Variants in MLIP observed in about 807,000 individuals in gnomAD.
The protein encoded by MLIP is muscular LMNA-interacting protein.
A neutral mutation model predicts 84.8 loss-of-function variants in MLIP; 79 were observed. The observed-to-expected ratio is 0.93, with a 90% confidence interval of 0.78 to 1.12. The LOEUF is 1.12. Ranked by LOEUF, MLIP falls within the 50% of genes most tolerant of loss-of-function variation. The pLI is 0.00. For synonymous variants in MLIP, 504 were observed against 463.0 expected, an observed-to-expected ratio of 1.09 and a Z score of -1.14; for missense variants, 1,257 against 1,160.6, an observed-to-expected ratio of 1.08 and a Z score of -1.21.
intron 11 of MLIP, among the ~76,000 whole-genome samples, chr6:54,222,706 A>C (rs1376364547): frequency 6.6e-6 from 1 of 152,084 alleles, no homozygotes; most frequent in Admixed American, 6.6e-5. Context: ...TCTTCAAGAC[A>C]CTGATTTAAT....
At chr6:54,218,421 G>C (rs1779992724) in intron 11 of MLIP, among the ~76,000 whole-genome samples, 1 of 152,194 alleles carries the variant, frequency 6.6e-6, no homozygotes, top group Non-Finnish European at 1.5e-5. Flanking sequence ...AATGGAGGTT[G>C]CTCTGGGTGA....
intron 12 of MLIP, among the ~76,000 whole-genome samples, chr6:54,249,734 C>CACACACACACAT (rs145607176): frequency 5.1e-4 from 65 of 127,706 alleles, no homozygotes; most frequent in African/African-American, 1.8e-3. Flanking sequence ...CACACACACA[C>CACACACACACAT]ATATATATAT....
At chr6:54,248,583 C>A (rs1157813782) in intron 12 of MLIP, among the ~76,000 whole-genome samples, 1 of 151,970 alleles carries the variant, frequency 6.6e-6, no homozygotes. Context: ...GCTGGACATA[C>A]AATAATGAGC....
chr6:54,113,083 A>G (rs1223677519), intron 1 of MLIP, among the ~76,000 whole-genome samples: 1 of 152,178 alleles, frequency 6.6e-6, no homozygotes, highest in African/African-American at 2.4e-5. Context: ...TATAATGGTT[A>G]TATGTATTTT....
At chr6:54,245,462 G>T (rs747252116) in intron 12 of MLIP, among the ~76,000 whole-genome samples, 14 of 152,186 alleles carry the variant, frequency 9.2e-5, no homozygotes, top group Non-Finnish European at 1.6e-4. Flanking sequence ...GGATGAGAGA[G>T]AGTCGAGTAA....
chr6:54,179,954 G>A (rs991278076), intron 9 of MLIP, among the ~76,000 whole-genome samples: 1 of 152,092 alleles, frequency 6.6e-6, no homozygotes, highest in African/African-American at 2.4e-5. Flanking sequence ...AAATTGAAGA[G>A]CCCTCTTTAG....
At chr6:54,104,423 T>C (rs994501214) in intron 1 of MLIP, among the ~76,000 whole-genome samples, 1 of 152,168 alleles carries the variant, frequency 6.6e-6, no homozygotes, top group Non-Finnish European at 1.5e-5. Flanking sequence ...TAAATAGTAT[T>C]CCCAACTGTT....
chr6:54,221,581 A>G (rs1200169797), intron 11 of MLIP, among the ~76,000 whole-genome samples: 37 of 152,110 alleles, frequency 2.4e-4, no homozygotes, highest in Admixed American at 2.4e-3. Context: ...CAAGGAAAAT[A>G]CAGTCATTAG....
At chr6:54,078,691 C>CTTTT (rs70980890) in intron 1 of MLIP, among the ~76,000 whole-genome samples, 5 of 133,358 alleles carry the variant, frequency 3.7e-5, no homozygotes, top group South Asian at 2.3e-4. Context: ...TTCTTTCTTT[C>CTTTT]TTTTTTTTTT....
At chr6:54,216,362 A>G (rs1779853232) in intron 11 of MLIP, 1 of 985,288 alleles carries the variant, frequency 1.0e-6, no homozygotes, top group Non-Finnish European at 1.2e-6. Context: ...CACATGGGAA[A>G]TAAAAGACCA....
chr6:54,209,890 C>T (rs1380531047), intron 11 of MLIP, among the ~76,000 whole-genome samples: 10 of 151,452 alleles, frequency 6.6e-5, no homozygotes, highest in African/African-American at 2.4e-4. Context: ...AATAATTGTC[C>T]TTTTTTCTTT....
At chr6:54,151,837 T>C (rs1773477178) in intron 5 of MLIP, among the ~76,000 whole-genome samples, 1 of 152,180 alleles carries the variant, frequency 6.6e-6, no homozygotes, top group African/African-American at 2.4e-5. Flanking sequence ...TTTTTCCTAA[T>C]TGAAATACCG....
intron 1 of MLIP, among the ~76,000 whole-genome samples, chr6:54,116,401 A>G (rs1368696006): frequency 3.3e-5 from 5 of 152,250 alleles, no homozygotes; most frequent in Non-Finnish European, 2.9e-5. Context: ...GAATCAGAGA[A>G]TAAAACGGAG....
intron 1 of MLIP, among the ~76,000 whole-genome samples, chr6:54,058,627 C>T (rs999965304): frequency 6.6e-6 from 1 of 152,152 alleles, no homozygotes; most frequent in Non-Finnish European, 1.5e-5. Context: ...AGTCAAAAGG[C>T]TAATAAAATC....
At chr6:54,216,421 T>C (rs1779858219) in intron 11 of MLIP, 2 of 985,242 alleles carry the variant, frequency 2.0e-6, no homozygotes, top group African/African-American at 1.7e-5. Flanking sequence ...ATTGTAGTCC[T>C]CTGCTGCTCA....
rs1770554904 is a variant in MLIP, at chr6:54,122,648, A to G, written c.252+1046A>G. Among the ~76,000 whole-genome samples the G allele has an allele frequency of 3.9e-5, 6 of 152,116 alleles. No homozygotes were observed. The South Asian group carries it at 1.2e-3, about 32-fold the overall frequency. On this transcript the variant is annotated intron_variant, in intron 2 of 13. Coordinates refer to ENST00000502396, the MANE Select transcript of MLIP (RefSeq NM_001281747.2). The stretch of plus-strand genomic sequence containing the variant: ...TCAATGCTGCTATCTTCTTTCAAAG[A>G]CTAATGGGGCCATGAATACTATATA...
chr6:54,152,287 A>G (rs930292323), intron 5 of MLIP, among the ~76,000 whole-genome samples: 2 of 152,190 alleles, frequency 1.3e-5, no homozygotes, highest in Non-Finnish European at 2.9e-5. Flanking sequence ...GTTCAACAAT[A>G]TACTAAGGTC....
At chr6:54,080,214 C>T (rs1341740653) in intron 1 of MLIP, among the ~76,000 whole-genome samples, 5 of 152,112 alleles carry the variant, frequency 3.3e-5, no homozygotes, top group East Asian at 3.9e-4. Flanking sequence ...CCTCTGGACT[C>T]GAAACCTGCA....
intron 1 of MLIP, among the ~76,000 whole-genome samples, chr6:54,020,902 G>A (rs558472886): frequency 6.9e-4 from 105 of 152,324 alleles, no homozygotes; most frequent in South Asian, 5.6e-3. Context: ...ACACATGAAA[G>A]CCCAGTGTCT....
Sources: allele counts gnomAD v4.1 joint callset (sites outside exome capture counted in the v4.1 genomes callset), GRCh38; gene constraint gnomAD v4.1.1; transcripts MANE v1.5; gene names NCBI Gene and HGNC (gene_info 2026-07-23, HGNC 2026-07-21).